Variants in PTPRG observed in about 807,000 individuals in gnomAD.
The protein encoded by PTPRG is receptor-type tyrosine-protein phosphatase gamma.
In PTPRG, 102 loss-of-function variants were observed where a neutral mutation model predicts 165.3. The ratio of observed to expected loss-of-function variants is 0.62; its 90% CI spans 0.53 to 0.73. PTPRG has a LOEUF of 0.73. PTPRG is among the 30% of genes least tolerant of loss of function. The pLI, the probability that PTPRG is intolerant of heterozygous loss-of-function variation, is 0.00. For missense variants in PTPRG, 1,866 were observed against 1,861.4 expected, an observed-to-expected ratio of 1.00 and a Z score of -0.05; for synonymous variants, 675 against 669.5, an observed-to-expected ratio of 1.01 and a Z score of -0.13.
rs539145867 is a variant in PTPRG at position 62,214,663 on chromosome 3, G to C, written c.2156-4188G>C. ...TGCAGTAAGAGCAACACAAGATGATGATAGTGGTGGTGGTACTTGTCATTT... is the reference window on the plus strand; with the variant it reads ...TGCAGTAAGAGCAACACAAGATGATCATAGTGGTGGTGGTACTTGTCATTT... On this transcript the variant is annotated intron_variant, in intron 12 of 29. Coordinates refer to ENST00000474889, the MANE Select transcript of PTPRG (RefSeq NM_002841.4). The surrounding 1 kb of genome is among the most constrained non-coding windows in gnomAD (Gnocchi z 5.2). 5.9e-5 allele frequency among the ~76,000 whole-genome samples: 9 copies of C among 152,314 alleles called. No homozygotes were observed. The South Asian group carries it at 1.9e-3, about 32-fold the overall frequency.
intron 2 of PTPRG, among the ~76,000 whole-genome samples, chr3:61,787,220 T>C (rs1259345591): frequency 2.0e-5 from 3 of 152,354 alleles, no homozygotes; most frequent in East Asian, 1.9e-4. Flanking sequence ...AAGAAGGAAT[T>C]ATGGTGATGA....
intron 1 of PTPRG, among the ~76,000 whole-genome samples, chr3:61,572,694 A>G (rs2106776942): frequency 6.6e-6 from 1 of 152,262 alleles, no homozygotes; most frequent in East Asian, 1.9e-4. Flanking sequence ...GCTTCCCGTG[A>G]AAGTGGGGTT....
chr3:61,699,394 T>C (rs1024839187), intron 1 of PTPRG, among the ~76,000 whole-genome samples: 2 of 152,162 alleles, frequency 1.3e-5, no homozygotes, highest in Non-Finnish European at 2.9e-5. Context: ...AGTCATATTG[T>C]CTCCTGAAAA....
chr3:62,277,438 T>G (rs1487507332), intron 25 of PTPRG, 113 bp from the exon 26 acceptor site: 7 of 1,216,044 alleles, frequency 5.8e-6, no homozygotes, highest in Non-Finnish European at 8.0e-6. Context: ...CCTTTCTCAA[T>G]TATTTTAGTG....
intron 2 of PTPRG, among the ~76,000 whole-genome samples, chr3:61,956,482 C>A (rs2040033403): frequency 6.6e-6 from 1 of 152,126 alleles, no homozygotes; most frequent in Non-Finnish European, 1.5e-5. Flanking sequence ...TAATGTGGAT[C>A]TAGTCAGTTC....
chr3:62,080,061 CATTTTTTTTT>C (rs1431894681), intron 5 of PTPRG, among the ~76,000 whole-genome samples: 3 of 111,568 alleles, frequency 2.7e-5, no homozygotes, highest in African/African-American at 1.1e-4. Flanking sequence ...CCCTTCGGTT[CATTTTTTTTT>C]TTTTTTTTTT....
intron 2 of PTPRG, among the ~76,000 whole-genome samples, chr3:61,983,300 A>G (rs1457675724): frequency 6.6e-6 from 1 of 152,172 alleles, no homozygotes; most frequent in Non-Finnish European, 1.5e-5. Context: ...TGTGTATTCG[A>G]TTTCGGATAA....
rs138052586 is a variant in PTPRG at position 61,612,171 on chromosome 3, G to A, written c.85+49799G>A. Among the ~76,000 whole-genome samples the A allele has an allele frequency of 7.2e-3, 1,094 of 152,290 alleles. 10 individuals are homozygous for A. Among genetic ancestry groups the A allele is most frequent in the African/African-American group, 0.025 (1,040 of 41,550 alleles). On this transcript the variant is annotated intron_variant, in intron 1 of 29. Coordinates refer to ENST00000474889, the MANE Select transcript of PTPRG (RefSeq NM_002841.4). Reference sequence around the variant, plus strand: ...TTGGTCAGGCTGGTCTTGAACTCCTGACCTCAGGTGATCCACCTGCCTTGG... The same window carrying A: ...TTGGTCAGGCTGGTCTTGAACTCCTAACCTCAGGTGATCCACCTGCCTTGG...
intron 1 of PTPRG, among the ~76,000 whole-genome samples, chr3:61,614,276 C>T (rs13089922): frequency 0.089 from 13,485 of 152,062 alleles, 720 homozygotes; most frequent in East Asian, 0.21. Flanking sequence ...TAAGTATAGT[C>T]TCTGGAGTCA....
At chr3:62,064,721 A>ATTTT (rs35605831) in intron 4 of PTPRG, among the ~76,000 whole-genome samples, 4 of 62,886 alleles carry the variant, frequency 6.4e-5, no homozygotes, top group Non-Finnish European at 8.4e-5. Flanking sequence ...GGTTATTTGG[A>ATTTT]TTTTTTTTTT....
At chr3:61,957,226 C>G (rs1218144117) in intron 2 of PTPRG, among the ~76,000 whole-genome samples, 1 of 152,200 alleles carries the variant, frequency 6.6e-6, no homozygotes, top group Non-Finnish European at 1.5e-5. Context: ...TTTCTCTTTA[C>G]TGTGAACACT....
intron 1 of PTPRG, among the ~76,000 whole-genome samples, chr3:61,710,835 A>C (rs1480286587): frequency 6.6e-6 from 1 of 151,966 alleles, no homozygotes; most frequent in Non-Finnish European, 1.5e-5. Flanking sequence ...GGTTTATTAC[A>C]TAGGTATGCA....
intron 1 of PTPRG, among the ~76,000 whole-genome samples, chr3:61,581,759 G>C (rs1245516237): frequency 6.6e-6 from 1 of 151,652 alleles, no homozygotes; most frequent in Non-Finnish European, 1.5e-5. Context: ...AGAGGCACGC[G>C]CCACCACGCC....
intron 2 of PTPRG, among the ~76,000 whole-genome samples, chr3:61,868,418 C>T (rs940903443): frequency 1.3e-5 from 2 of 152,124 alleles, no homozygotes; most frequent in African/African-American, 4.8e-5. Flanking sequence ...ATTTTCCTGC[C>T]CTCTGCCCCC....
Position 62,267,429 on chromosome 3 carries a change from G to C in PTPRG, c.2676G>C (p.Lys892Asn). ...NILAYDHSRV[K>N]LRPLPGKDSK... The stretch of plus-strand genomic sequence containing the variant: ...CTATAGATGATCACAGTAGGGTGAA[G>C]TTAAGACCTTTACCAGGAAAAGACT... Residue 892 changes from lysine to asparagine, a missense_variant, in exon 18 of 30, where the codon AAG becomes AAC. Physicochemically the swap from Lys to Asn is moderately conservative, Grantham distance 94. Coordinates refer to ENST00000474889, the MANE Select transcript of PTPRG (RefSeq NM_002841.4). The C allele has an allele frequency of 1.9e-6, 3 of 1,609,970 alleles. No individual in the cohort carries two copies. The South Asian group carries it at 3.3e-5, about 18-fold the overall frequency.
chr3:61,896,152 T>C (rs2107510642), intron 2 of PTPRG, among the ~76,000 whole-genome samples: 1 of 152,310 alleles, frequency 6.6e-6, no homozygotes, highest in South Asian at 2.1e-4. Context: ...GTCAAGATAC[T>C]GAACAGTTCC....
intron 1 of PTPRG, among the ~76,000 whole-genome samples, chr3:61,680,501 G>GAAAAAAAAAAAAAAA (rs34153657): frequency 1.2e-5 from 1 of 85,226 alleles, no homozygotes; most frequent in African/African-American, 3.7e-5. Flanking sequence ...TCAGCTTTAT[G>GAAAAAAAAAAAAAAA]AAAAAAAAAA....
intron 4 of PTPRG, among the ~76,000 whole-genome samples, chr3:62,019,161 G>A (rs2041622093): frequency 6.6e-6 from 1 of 152,176 alleles, no homozygotes; most frequent in Non-Finnish European, 1.5e-5. Context: ...TCAAATTCCT[G>A]AGGTCCCTCT....
In PTPRG at chr3:62,007,148, G is replaced by A. The variant is rs142071370; in HGVS notation, c.519+3651G>A. 8.4e-3 allele frequency among the ~76,000 whole-genome samples: 1,280 copies of A among 152,190 alleles called. 27 individuals carry two copies. The highest frequency in any genetic ancestry group is 0.03 in the African/African-American group (1,230 of 41,540). ...GCTCTGCAGGCTGAATTTTAAACAT[G>A]TGCCCCACAAGAAGCTGGATCTGCT... On this transcript the variant is annotated intron_variant, in intron 4 of 29. Coordinates refer to ENST00000474889, the MANE Select transcript of PTPRG (RefSeq NM_002841.4).
Sources: gnomAD v4.1 joint callset for allele counts (sites outside exome capture counted in the v4.1 genomes callset) on GRCh38, gnomAD v4.1.1 for gene constraint, Gnocchi (gnomAD v3.1) non-coding constraint, MANE v1.5 for transcripts, NCBI Gene and HGNC (gene_info 2026-07-23, HGNC 2026-07-21) for gene names.